AIG1: variants seen among roughly 807,000 people sequenced by gnomAD.
AIG1 encodes androgen-induced gene 1 protein.
AIG1 carries 23 observed loss-of-function variants against 31.4 expected under a neutral mutation model. The ratio of observed to expected loss-of-function variants is 0.73; its 90% CI spans 0.53 to 1.04. AIG1 has a LOEUF of 1.04. Ranked by LOEUF, AIG1 falls within the 50% of genes least tolerant of loss-of-function variation. AIG1 has a pLI of 0.00. For synonymous variants in AIG1, 100 were observed against 110.5 expected, an observed-to-expected ratio of 0.90 and a Z score of 0.60; for missense variants, 274 against 295.0, an observed-to-expected ratio of 0.93 and a Z score of 0.52.
intron 4 of AIG1, among the ~76,000 whole-genome samples, chr6:143,322,845 G>A (rs372442565): frequency 1.5e-3 from 228 of 152,270 alleles, no homozygotes; most frequent in African/African-American, 4.8e-3. Flanking sequence ...AGGGATGGGC[G>A]GAGGGACTTG....
chr6:143,103,078 A>G (rs1780450330), intron 1 of AIG1, among the ~76,000 whole-genome samples: 1 of 152,220 alleles, frequency 6.6e-6, no homozygotes, highest in African/African-American at 2.4e-5. Context: ...CAATGAAGGA[A>G]CAGTCATTTT....
At chr6:143,248,925 A>G (rs1794799556) in intron 3 of AIG1, among the ~76,000 whole-genome samples, 1 of 152,184 alleles carries the variant, frequency 6.6e-6, no homozygotes, top group South Asian at 2.1e-4. Flanking sequence ...CCTGTCACCT[A>G]ATACTAGTTT....
chr6:143,336,819 G>A (rs1436326311), intron 5 of AIG1, among the ~76,000 whole-genome samples: 1 of 152,172 alleles, frequency 6.6e-6, no homozygotes, highest in Admixed American at 6.5e-5. Flanking sequence ...CTCTAGCTGT[G>A]TGTGAACCTG....
chr6:143,091,501 T>C (rs1312843125), intron 1 of AIG1, among the ~76,000 whole-genome samples: 1 of 152,248 alleles, frequency 6.6e-6, no homozygotes, highest in Non-Finnish European at 1.5e-5. Flanking sequence ...ATAATGACTG[T>C]ATTAATAAAT....
chr6:143,338,570 A>C lies in AIG1; in HGVS notation c.680-1069A>C, dbSNP rs1477423215. 6.6e-6 allele frequency: 1 copy of C among 152,146 alleles called. No individual in the cohort carries two copies. Among genetic ancestry groups the C allele is most frequent in the African/African-American group, 2.4e-5 (1 of 41,424 alleles). The allele number at this position is 152,146 out of a possible 1,614,324, so 9.4% of individuals were successfully genotyped here. A position where few individuals can be genotyped will look rare whatever the true frequency, so the allele number is the denominator to read the frequency against. On this transcript the variant is annotated intron_variant, in intron 5 of 5. Coordinates refer to ENST00000357847, the MANE Select transcript of AIG1 (RefSeq NM_016108.4). The surrounding 1 kb of genome is among the most constrained non-coding windows in gnomAD (Gnocchi z 4.3). ...CTAACATTATGACCCTCTGGGGTTA[A>C]ATTTTATAATTTTCATATTGTGGAG...
intron 3 of AIG1, among the ~76,000 whole-genome samples, chr6:143,206,862 C>G (rs538235004): frequency 1.3e-5 from 2 of 152,178 alleles, no homozygotes; most frequent in East Asian, 3.9e-4. Context: ...CTTAAATGAG[C>G]TAGGCCAGTG....
chr6:143,190,292 CAG>C (rs767572988), intron 3 of AIG1: 2 of 985,470 alleles, frequency 2.0e-6, no homozygotes, highest in Middle Eastern at 5.2e-4. Flanking sequence ...AGTCGAGAAA[CAG>C]AATAAAAAGA....
chr6:143,112,591 G>A (rs1246454646), intron 1 of AIG1, among the ~76,000 whole-genome samples: 2 of 152,178 alleles, frequency 1.3e-5, no homozygotes, highest in Non-Finnish European at 2.9e-5. Context: ...TAGTTACCGT[G>A]CAGTTTGACA....
At chr6:143,315,005 A>G (rs1775621484) in intron 4 of AIG1, among the ~76,000 whole-genome samples, 1 of 152,130 alleles carries the variant, frequency 6.6e-6, no homozygotes, top group Non-Finnish European at 1.5e-5. Flanking sequence ...AATGATGTTA[A>G]TATCACATGT....
At chr6:143,067,098 C>T (rs140981348) in intron 1 of AIG1, among the ~76,000 whole-genome samples, 2 of 152,014 alleles carry the variant, frequency 1.3e-5, no homozygotes, top group African/African-American at 2.4e-5. Context: ...CCCAGGAGTT[C>T]GAGTTTGCAA....
chr6:143,099,252 T>G (rs575278679), intron 1 of AIG1, among the ~76,000 whole-genome samples: 1 of 152,318 alleles, frequency 6.6e-6, no homozygotes, highest in South Asian at 2.1e-4. Context: ...TCATAAACTT[T>G]TCAGCCAGAA....
intron 3 of AIG1, among the ~76,000 whole-genome samples, chr6:143,179,413 A>G (rs1788512294): frequency 2.6e-5 from 4 of 152,190 alleles, no homozygotes. Context: ...ACAGCCCAGG[A>G]CCACAGAACT....
intron 1 of AIG1, among the ~76,000 whole-genome samples, chr6:143,062,562 T>G (rs915542306): frequency 1.8e-4 from 27 of 152,208 alleles, no homozygotes; most frequent in Non-Finnish European, 3.5e-4. Context: ...ACAGAAAGTC[T>G]TATTGGGTTG....
At chr6:143,120,859 G>A (rs541158419) in intron 1 of AIG1, among the ~76,000 whole-genome samples, 3 of 152,110 alleles carry the variant, frequency 2.0e-5, no homozygotes, top group Non-Finnish European at 2.9e-5. Flanking sequence ...CGTGATGGCC[G>A]TGATGCCCAT....
chr6:143,129,933 CTT>C (rs917523183), intron 1 of AIG1, among the ~76,000 whole-genome samples: 24 of 134,736 alleles, frequency 1.8e-4, no homozygotes, highest in Middle Eastern at 3.6e-3. Context: ...TAAATAGACA[CTT>C]TTTTTTTTTT....
At chr6:143,137,157 C>T (rs543547382) in intron 2 of AIG1, among the ~76,000 whole-genome samples, 167 bp downstream of exon 2, 69 of 152,258 alleles carry the variant, frequency 4.5e-4, no homozygotes, top group African/African-American at 1.6e-3. Context: ...TTTATTTTCT[C>T]GTAGTTCTGG....
chr6:143,326,576 T>C lies in AIG1; in HGVS notation c.516-6706T>C, dbSNP rs1481712262. ...GAAACATATTATTTAAATAAAGATA[T>C]TCAAATTTAAGTATGAATAAAAGAG... On this transcript the variant is annotated intron_variant, in intron 4 of 5. Coordinates refer to ENST00000357847, the MANE Select transcript of AIG1 (RefSeq NM_016108.4). This position sits in a 1 kb window ranked among gnomAD's most constrained non-coding sequence, Gnocchi z 4.5. Among the ~76,000 whole-genome samples the C allele has an allele frequency of 6.6e-6, 1 of 152,166 alleles. No homozygotes were observed. The highest frequency in any genetic ancestry group is 1.5e-5 in the Non-Finnish European group (1 of 68,032).
intron 1 of AIG1, among the ~76,000 whole-genome samples, chr6:143,119,472 T>C (rs1782057444): frequency 6.6e-6 from 1 of 152,206 alleles, no homozygotes. Flanking sequence ...CAGCTTGTAC[T>C]TACCTTAACA....
At chr6:143,282,070 C>G (rs1295934652) in intron 3 of AIG1, among the ~76,000 whole-genome samples, 1 of 152,176 alleles carries the variant, frequency 6.6e-6, no homozygotes, top group Non-Finnish European at 1.5e-5. Flanking sequence ...GATATGCATA[C>G]ATTTTATCAC....
Sources: gnomAD v4.1 joint callset for allele counts (sites outside exome capture counted in the v4.1 genomes callset) on GRCh38, gnomAD v4.1.1 for gene constraint, Gnocchi (gnomAD v3.1) non-coding constraint, MANE v1.5 for transcripts, NCBI Gene and HGNC (gene_info 2026-07-23, HGNC 2026-07-21) for gene names.